Variants in IFI16 observed in about 807,000 individuals in gnomAD.
IFI16 encodes interferon gamma inducible protein 16.
IFI16 carries 49 observed loss-of-function variants against 68.4 expected under a neutral mutation model. That is an observed-to-expected ratio of 0.72 (90% CI 0.57 to 0.91). The LOEUF is 0.91. IFI16 is among the 40% of genes least tolerant of loss of function. The probability of loss-of-function intolerance (pLI) is 0.00; values close to 1 mark genes in which losing one functional copy is unlikely to be tolerated. For missense variants in IFI16, 878 were observed against 942.9 expected (o/e 0.93, Z 0.90); for synonymous variants, 307 against 315.0 (o/e 0.97, Z 0.27).
At chr1:159,014,613 A>G in intron 1 of IFI16, 48 bp from the exon 2 acceptor site, 2 of 1,275,116 alleles carry the variant, frequency 1.6e-6, no homozygotes, top group Non-Finnish European at 2.2e-6. Context: ...CATCTTTTAA[A>G]TTGTCTGTAT....
chr1:159,053,306 G>GA (rs141889724), intron 10 of IFI16: 8,944 of 370,342 alleles, frequency 0.024, 332 homozygotes, highest in African/African-American at 0.099. Flanking sequence ...TTTTTTCCTA[G>GA]AAAAAATCCA....
chr1:159,018,998 A>G (rs1036919300), intron 5 of IFI16, among the ~76,000 whole-genome samples: 1 of 152,208 alleles, frequency 6.6e-6, no homozygotes, highest in African/African-American at 2.4e-5. Context: ...CCCTTTGATT[A>G]TTATCTCTAC....
chr1:159,046,685 G>T (rs1655008066), intron 8 of IFI16, among the ~76,000 whole-genome samples: 1 of 150,860 alleles, frequency 6.6e-6, no homozygotes, highest in African/African-American at 2.4e-5. Flanking sequence ...TACTTCCTTT[G>T]ATATCAAATT....
At chr1:159,051,013 A>G (rs937902576) in intron 9 of IFI16, among the ~76,000 whole-genome samples, 1 of 152,166 alleles carries the variant, frequency 6.6e-6, no homozygotes, top group Non-Finnish European at 1.5e-5. Flanking sequence ...GGTTGAGACT[A>G]TTCCTTACTC....
intron 10 of IFI16, chr1:159,053,230 C>T (rs1442802688): frequency 9.1e-6 from 2 of 219,090 alleles, no homozygotes; most frequent in Middle Eastern, 1.5e-3. Context: ...TTTCTGTATC[C>T]AGGCTCCTTA....
intron 7 of IFI16, among the ~76,000 whole-genome samples, chr1:159,038,772 G>A (rs995500680): frequency 6.6e-6 from 1 of 152,156 alleles, no homozygotes; most frequent in Non-Finnish European, 1.5e-5. Flanking sequence ...ACAGGTGCTG[G>A]GAATGCCCTA....
intron 8 of IFI16, among the ~76,000 whole-genome samples, chr1:159,045,896 T>A (rs1343893320): frequency 1.3e-5 from 2 of 151,240 alleles, no homozygotes; most frequent in African/African-American, 4.8e-5. Context: ...TTTTTAACTA[T>A]CAGAAATCTT....
intron 7 of IFI16, among the ~76,000 whole-genome samples, chr1:159,044,855 G>A (rs2236584): frequency 0.8 from 120,459 of 151,244 alleles, 48,985 homozygotes; most frequent in Admixed American, 0.9. Flanking sequence ...ATCCCTAAAG[G>A]ATGGAGATCT....
At chr1:159,013,895 A>G (rs1210042810) in intron 1 of IFI16, among the ~76,000 whole-genome samples, 4 of 152,212 alleles carry the variant, frequency 2.6e-5, no homozygotes, top group Non-Finnish European at 5.9e-5. Flanking sequence ...GGGGAAGAAA[A>G]AGGAGAAATA....
chr1:159,014,274 A>C (rs185366132), intron 1 of IFI16, among the ~76,000 whole-genome samples: 1 of 152,228 alleles, frequency 6.6e-6, no homozygotes, highest in Non-Finnish European at 1.5e-5. Context: ...CGCTCCAGTC[A>C]TACTGGGTGT....
upstream of IFI16, among the ~76,000 whole-genome samples, chr1:159,007,223 T>G (rs939829460): frequency 2.6e-5 from 4 of 152,058 alleles, no homozygotes; most frequent in Admixed American, 6.6e-5. Flanking sequence ...AGAAAATAAT[T>G]CGGTTTAGGC....
rs550156920 is a variant in IFI16 at position 159,044,963 on chromosome 1, C to A, written c.1330-334C>A. 5.3e-3 allele frequency among the ~76,000 whole-genome samples: 813 copies of A among 151,988 alleles called. 10 individuals are homozygous for A. The highest frequency in any genetic ancestry group is 0.018 in the African/African-American group (759 of 41,492). On this transcript the variant is annotated intron_variant, in intron 7 of 11. Transcript: ENST00000295809. ...AATAAATGTCCATAAATGTAGCCAA[C>A]TTTATTGCAAGCCATGCTGCCCCCA...
At chr1:159,024,006 C>G (rs1319555072) in intron 6 of IFI16, among the ~76,000 whole-genome samples, 1 of 152,168 alleles carries the variant, frequency 6.6e-6, no homozygotes, top group African/African-American at 2.4e-5. Context: ...AAGAGAGCCA[C>G]CATATGTCCA....
At chr1:159,036,404 T>C (rs529848074) in intron 7 of IFI16, among the ~76,000 whole-genome samples, 1 of 152,322 alleles carries the variant, frequency 6.6e-6, no homozygotes, top group South Asian at 2.1e-4. Flanking sequence ...ATGATGTTAT[T>C]GTCAGTCACA....
upstream of IFI16, among the ~76,000 whole-genome samples, chr1:159,007,911 A>G (rs773010983): frequency 1.3e-5 from 2 of 152,216 alleles, no homozygotes; most frequent in Non-Finnish European, 2.9e-5. Context: ...AAACAAGTGA[A>G]CAATGCATAT....
intron 6 of IFI16, among the ~76,000 whole-genome samples, chr1:159,026,738 A>G (rs1380221826): frequency 6.6e-6 from 1 of 152,150 alleles, no homozygotes; most frequent in Non-Finnish European, 1.5e-5. Context: ...GGTTAGATAT[A>G]TTCCTAAGTG....
Position 159,009,990 on chromosome 1 carries a change from G to C in IFI16, c.-192G>C, listed in dbSNP as rs1475205219. 3 of 152,030 alleles carry C rather than the reference G, an allele frequency of 2.0e-5. No homozygotes were observed. Among genetic ancestry groups the C allele is most frequent in the East Asian group, 1.9e-4 (1 of 5,192 alleles). 9.4% of individuals were successfully genotyped at this position (152,030 alleles called of 1,614,324 possible). A position where few individuals can be genotyped will look rare whatever the true frequency, so the allele number is the denominator to read the frequency against. ...GACTCAACCAAGGCCTTTTTTCCTT[G>C]TTATCTTTGCAGATACTTCATTTTC... On this transcript the variant is annotated 5_prime_UTR_variant, in exon 1 of 12. Transcript: ENST00000295809.
chr1:159,025,175 G>C (rs190338416), intron 6 of IFI16, among the ~76,000 whole-genome samples: 1 of 152,090 alleles, frequency 6.6e-6, no homozygotes. Flanking sequence ...CCATGGTGAC[G>C]CCTCCCGCTC....
In IFI16 at chr1:159,030,800, G is replaced by T. The variant is rs148852251; in HGVS notation, c.1162-1724G>T. On this transcript the variant is annotated intron_variant, in intron 6 of 11. Coordinates refer to ENST00000295809, the MANE Select transcript of IFI16 (RefSeq NM_001376587.1). Reference sequence around the variant, plus strand: ...AGGTGGAGCTTTTAAGAGAGCATCAGCTGCAATAGTATAGGGAGGATACAA... The same window carrying T: ...AGGTGGAGCTTTTAAGAGAGCATCATCTGCAATAGTATAGGGAGGATACAA... Among the ~76,000 whole-genome samples, 288 of 150,776 alleles carry T rather than the reference G, an allele frequency of 1.9e-3. 2 individuals carry two copies. Among genetic ancestry groups the T allele is most frequent in the African/African-American group, 6.1e-3 (251 of 41,222 alleles).
Sources: allele counts gnomAD v4.1 joint callset (sites outside exome capture counted in the v4.1 genomes callset), GRCh38; gene constraint gnomAD v4.1.1; transcripts MANE v1.5; gene names NCBI Gene and HGNC (gene_info 2026-07-23, HGNC 2026-07-21).